SBF2: variants seen among roughly 807,000 people sequenced by gnomAD.
SBF2 encodes the protein myotubularin-related protein 13.
A neutral mutation model predicts 225.2 loss-of-function variants in SBF2; 112 were observed. The ratio of observed to expected loss-of-function variants is 0.50; its 90% CI spans 0.43 to 0.58. The LOEUF (loss-of-function observed/expected upper bound fraction) is 0.58, where lower values mean the gene tolerates loss of function less well. Among genes scored for constraint, SBF2 ranks in the 20% least tolerant of loss-of-function variants. The pLI is 0.00. For missense variants in SBF2, 1,996 were observed against 2,206.2 expected (o/e 0.90, Z 1.91); for synonymous variants, 763 against 773.3 (o/e 0.99, Z 0.22).
intron 13 of SBF2, among the ~76,000 whole-genome samples, chr11:9,974,055 C>A (rs544161371): frequency 6.6e-5 from 10 of 152,192 alleles, no homozygotes; most frequent in South Asian, 2.1e-4. Flanking sequence ...ATTGTCAAAA[C>A]GTAACTGGAC....
At chr11:9,951,807 G>A (rs1865877320) in intron 16 of SBF2, among the ~76,000 whole-genome samples, 1 of 152,172 alleles carries the variant, frequency 6.6e-6, no homozygotes, top group Non-Finnish European at 1.5e-5. Flanking sequence ...AATGGAAAAT[G>A]AAAGCAGACT....
intron 2 of SBF2, among the ~76,000 whole-genome samples, chr11:10,130,343 C>T (rs2135092807): frequency 6.7e-6 from 1 of 150,242 alleles, no homozygotes; most frequent in Admixed American, 6.6e-5. Flanking sequence ...GCCTGGGTGA[C>T]AGAGCAAGAC....
At chr11:9,822,453 G>A (rs1013882417) in intron 28 of SBF2, among the ~76,000 whole-genome samples, 1 of 152,014 alleles carries the variant, frequency 6.6e-6, no homozygotes, top group Non-Finnish European at 1.5e-5. Context: ...GTAGAGACAG[G>A]GTTTCACTGT....
chr11:9,993,488 TA>T (rs1242815365), intron 10 of SBF2, among the ~76,000 whole-genome samples: 2 of 152,262 alleles, frequency 1.3e-5, no homozygotes, highest in African/African-American at 2.4e-5. Context: ...CGTAACCTTT[TA>T]TGGCTTCTAA....
chr11:10,281,952 T>C (rs1270311082), intron 1 of SBF2, among the ~76,000 whole-genome samples: 1 of 152,178 alleles, frequency 6.6e-6, no homozygotes, highest in Non-Finnish European at 1.5e-5. Context: ...AAGCCATGAG[T>C]TGCAGGTCAT....
intron 38 of SBF2, chr11:9,782,912 A>C (rs975130728): frequency 7.2e-5 from 11 of 151,824 alleles, no homozygotes; most frequent in African/African-American, 2.7e-4. Flanking sequence ...AAAGTCAAAG[A>C]GACTGCTAGG....
chr11:10,083,469 C>T (rs1951442348), intron 2 of SBF2, among the ~76,000 whole-genome samples: 1 of 152,060 alleles, frequency 6.6e-6, no homozygotes, highest in African/African-American at 2.4e-5. Context: ...CCCCATAGTA[C>T]CTGGCTTCAA....
intron 23 of SBF2, 21 bp downstream of exon 23, chr11:9,846,935 A>G: frequency 6.2e-7 from 1 of 1,613,484 alleles, no homozygotes; most frequent in African/African-American, 1.3e-5. Context: ...ATAGTAAAAC[A>G]ATGGCTTCCT....
chr11:9,987,534 A>G (rs535189747), intron 13 of SBF2, among the ~76,000 whole-genome samples: 1 of 152,318 alleles, frequency 6.6e-6, no homozygotes, highest in East Asian at 1.9e-4. Context: ...GGACTCCTCT[A>G]GAAAGCTCCT....
chr11:10,067,326 C>T (rs1213340405), intron 2 of SBF2, among the ~76,000 whole-genome samples: 1 of 152,100 alleles, frequency 6.6e-6, no homozygotes, highest in Non-Finnish European at 1.5e-5. Flanking sequence ...AGATTTGATG[C>T]AATCCCAGTC....
chr11:9,801,985 A>G (rs921077177), intron 32 of SBF2, among the ~76,000 whole-genome samples: 29 of 152,366 alleles, frequency 1.9e-4, no homozygotes, highest in African/African-American at 6.0e-4. Context: ...GGAGAATCAC[A>G]TAAAGCCAGA....
chr11:9,918,742 C>T (rs889945242), intron 16 of SBF2, among the ~76,000 whole-genome samples: 4 of 150,552 alleles, frequency 2.7e-5, no homozygotes, highest in African/African-American at 4.9e-5. Context: ...TGTGGATTTA[C>T]GTCTTTTTTT....
intron 2 of SBF2, among the ~76,000 whole-genome samples, chr11:10,127,361 T>C (rs1252489694): frequency 1.3e-5 from 2 of 152,122 alleles, no homozygotes; most frequent in African/African-American, 4.8e-5. Flanking sequence ...AAAGAATGAA[T>C]GGGCAAAACT....
rs184770318 is a variant in SBF2, at chr11:10,011,251, T to C, written c.620-8562A>G. On this transcript the variant is annotated intron_variant, in intron 6 of 39. Coordinates refer to ENST00000256190, the MANE Select transcript of SBF2 (RefSeq NM_030962.4). ...TATTTTTTATTGTTTTTTTGAGACA[T>C]AGTCTCACTCCATCACCCAGGCTGG... 2.0e-3 allele frequency among the ~76,000 whole-genome samples: 297 copies of C among 152,284 alleles called. 1 individual carries two copies. The highest frequency in any genetic ancestry group is 6.9e-3 in the African/African-American group (288 of 41,566).
At chr11:10,038,041 T>C (rs1949512826) in intron 3 of SBF2, among the ~76,000 whole-genome samples, 1 of 152,072 alleles carries the variant, frequency 6.6e-6, no homozygotes, top group African/African-American at 2.4e-5. Context: ...ATAAAGCTTC[T>C]ATTGTTGGAC....
intron 6 of SBF2, among the ~76,000 whole-genome samples, chr11:10,027,804 T>TA (rs1169734297): frequency 6.6e-6 from 1 of 152,160 alleles, no homozygotes; most frequent in African/African-American, 2.4e-5. Context: ...AAATTGGAGA[T>TA]AAAGTCCTCA....
chr11:10,116,497 T>C (rs1030049648), intron 2 of SBF2, among the ~76,000 whole-genome samples: 2 of 152,220 alleles, frequency 1.3e-5, no homozygotes, highest in Non-Finnish European at 2.9e-5. Context: ...TCAAAAATAA[T>C]TGATATATTA....
intron 29 of SBF2, among the ~76,000 whole-genome samples, chr11:9,815,750 A>T (rs1854424669): frequency 6.6e-6 from 1 of 152,176 alleles, no homozygotes; most frequent in African/African-American, 2.4e-5. Flanking sequence ...GCTGTAGAAA[A>T]GGGTTCTATT....
chr11:9,918,159 C>T (rs766336545), intron 16 of SBF2, among the ~76,000 whole-genome samples: 1 of 143,544 alleles, frequency 7.0e-6, no homozygotes, highest in Non-Finnish European at 1.5e-5. Context: ...TTTCTATCTT[C>T]GCCACATTTG....
Sources: allele counts gnomAD v4.1 joint callset (sites outside exome capture counted in the v4.1 genomes callset), GRCh38; gene constraint gnomAD v4.1.1; transcripts MANE v1.5; gene names NCBI Gene and HGNC (gene_info 2026-07-23, HGNC 2026-07-21).